The following ACTR10 variants were observed in gnomAD, a reference collection of about 807,000 sequenced individuals.
The protein encoded by ACTR10 is actin related protein 10, also known as actin-related protein 10.
A neutral mutation model predicts 56.2 loss-of-function variants in ACTR10; 43 were observed. The ratio of observed to expected loss-of-function variants is 0.77; its 90% CI spans 0.60 to 0.99. The LOEUF (loss-of-function observed/expected upper bound fraction) is 0.99. ACTR10 is among the 50% of genes least tolerant of loss of function. The probability of loss-of-function intolerance (pLI) is 0.00; values close to 1 mark genes in which losing one functional copy is unlikely to be tolerated. For missense variants in ACTR10, 466 were observed against 507.8 expected, an observed-to-expected ratio of 0.92 and a Z score of 0.79; for synonymous variants, 170 against 176.3, an observed-to-expected ratio of 0.96 and a Z score of 0.28.
Position 58,207,965 on chromosome 14 carries a change from T to C in ACTR10, c.180T>C (p.Asn60=). 1 of 1,508,870 alleles carries C rather than the reference T, an allele frequency of 6.6e-7. No homozygotes were observed. Among genetic ancestry groups the C allele is most frequent in the Non-Finnish European group, 8.8e-7 (1 of 1,136,000 alleles). The allele number at this position is 1,508,870 out of a possible 1,614,324, so 93.5% of individuals were successfully genotyped here. A position where few individuals can be genotyped will look rare whatever the true frequency, so the allele number is the denominator to read the frequency against. Residue 60 remains asparagine (N), a synonymous_variant, in exon 3 of 13, where the codon AAT becomes AAC. Transcript: ENST00000254286. ...KPVRVVQYNI[N]TEELYSYLKE... ...TCAGAGTTGTTCAGTATAATATCAA[T>C]ACAGAAGAATTATATTCCTACCTAA...
chr14:58,203,825 A>G (rs1261065069), intron 2 of ACTR10, among the ~76,000 whole-genome samples: 1 of 152,224 alleles, frequency 6.6e-6, no homozygotes, highest in Non-Finnish European at 1.5e-5. Flanking sequence ...TATAAAATTC[A>G]CTTGTTAAAA....
intron 1 of ACTR10, 43 bp downstream of exon 1, chr14:58,200,337 G>A (rs773094756): frequency 2.8e-6 from 4 of 1,448,830 alleles, no homozygotes; most frequent in South Asian, 1.4e-5. Context: ...CGAGGGGAGG[G>A]CGGGTGGCAG....
intron 2 of ACTR10, among the ~76,000 whole-genome samples, chr14:58,203,267 A>C (rs1222093048): frequency 7.1e-6 from 1 of 141,446 alleles, no homozygotes; most frequent in Non-Finnish European, 1.5e-5. Context: ...AAGCCATCGC[A>C]CTCCAGCCTG....
intron 10 of ACTR10, among the ~76,000 whole-genome samples, chr14:58,224,394 G>C (rs1440783593): frequency 1.3e-5 from 2 of 151,922 alleles, no homozygotes; most frequent in Non-Finnish European, 2.9e-5. Context: ...ACAAGAATTA[G>C]CCACCACCAT....
At chr14:58,229,878 C>T (rs1190598619) in intron 10 of ACTR10, among the ~76,000 whole-genome samples, 3 of 151,738 alleles carry the variant, frequency 2.0e-5, no homozygotes, top group African/African-American at 7.3e-5. Flanking sequence ...AGATCTTCCT[C>T]ATGCTACCAA....
Position 58,219,729 on chromosome 14 carries a change from G to A in ACTR10, c.634G>A (p.Ala212Thr). ...GGAAGGTGTCTTAGAGGACATTAAAGGTAAACTAAGTTCTCATTTTTGTCC... is the reference window on the plus strand; with the variant it reads ...GGAAGGTGTCTTAGAGGACATTAAAAGTAAACTAAGTTCTCATTTTTGTCC... The part of the protein sequence containing the change: ...VPEGVLEDIK[A>T]RTCFVSDLKR... The change falls in exon 8 of 13, where the codon GCG becomes ACG. Residue 212 changes from alanine to threonine, a missense_variant and splice_region_variant. Physicochemically the swap from Ala to Thr is moderately conservative, Grantham distance 58. Coordinates refer to ENST00000254286, the MANE Select transcript of ACTR10 (RefSeq NM_018477.3). The A allele has an allele frequency of 6.6e-7, 1 of 1,519,542 alleles. No homozygotes were observed. The highest frequency in any genetic ancestry group is 8.8e-7 in the Non-Finnish European group (1 of 1,132,082). 94.1% of individuals were successfully genotyped at this position (1,519,542 alleles called of 1,614,324 possible).
Position 58,232,275 on chromosome 14 carries a change from T to C in ACTR10, c.1072+8T>C. On this transcript the variant is annotated splice_region_variant and intron_variant, in intron 12 of 12. Coordinates refer to ENST00000254286, the MANE Select transcript of ACTR10 (RefSeq NM_018477.3). ...GTGTGGCCTGGTTGGGAGGTAAGAA[T>C]TTCACTTTTAAAATATAATGATTAT... The C allele has an allele frequency of 6.2e-7, 1 of 1,607,696 alleles. No homozygotes were observed. Among genetic ancestry groups the C allele is most frequent in the Non-Finnish European group, 8.5e-7 (1 of 1,176,464 alleles).
intron 10 of ACTR10, among the ~76,000 whole-genome samples, chr14:58,224,672 G>A (rs141324794): frequency 3.1e-4 from 47 of 152,198 alleles, no homozygotes; most frequent in African/African-American, 1.0e-3. Context: ...TAAAACAGGG[G>A]TTAGCAAAAT....
At chr14:58,219,631 C>A in intron 7 of ACTR10, 63 bp from the exon 8 acceptor site, 1 of 1,012,262 alleles carries the variant, frequency 9.9e-7, no homozygotes, top group South Asian at 2.0e-5. Flanking sequence ...AATGTGAAGG[C>A]AATTTAATAG....
intron 4 of ACTR10, 200 bp downstream of exon 4, chr14:58,209,307 T>A (rs1888941088): frequency 1.3e-5 from 4 of 306,212 alleles, no homozygotes; most frequent in African/African-American, 6.5e-5. Context: ...GACAGAAGAT[T>A]CTTCAAACTG....
intron 8 of ACTR10, 98 bp from the exon 9 acceptor site, chr14:58,223,524 C>T: frequency 1.2e-6 from 1 of 869,238 alleles, no homozygotes; most frequent in Non-Finnish European, 1.8e-6. Context: ...AGATGATGAG[C>T]ATGTTCACTT....
rs199890031 is a variant in ACTR10, at chr14:58,232,071, G to C, written c.876G>C (p.Pro292=). The change falls in exon 12 of 13, where the codon CCG becomes CCC. Residue 292 remains proline, a synonymous_variant. Coordinates refer to ENST00000254286, the MANE Select transcript of ACTR10 (RefSeq NM_018477.3). ...TLILDSLIQC[P]IDTRKQLAEN... ...TTTTTTCTTTTTAATAACAGTGTCC[G>C]ATAGACACCAGGAAGCAACTAGCAG... 1 of 1,610,470 alleles carries C rather than the reference G, an allele frequency of 6.2e-7. No individual in the cohort carries two copies. Among genetic ancestry groups the C allele is most frequent in the Non-Finnish European group, 8.5e-7 (1 of 1,177,458 alleles).
Position 58,223,706 on chromosome 14 carries a change from G to C in ACTR10, c.714+5G>C. ...AATATTGATGGGAATAATGAGGTAA[G>C]TTTAAAAAAAAAAAAGGCATCTTTT... On this transcript the variant is annotated splice_donor_5th_base_variant and intron_variant, in intron 9 of 12. Transcript: ENST00000254286. 6.3e-7 allele frequency: 1 copy of C among 1,589,464 alleles called. No homozygotes were observed. Among genetic ancestry groups the C allele is most frequent in the South Asian group, 1.1e-5 (1 of 87,496 alleles).
At chr14:58,204,712 G>T (rs149582410) in intron 2 of ACTR10, among the ~76,000 whole-genome samples, 2,135 of 152,266 alleles carry the variant, frequency 0.014, 48 homozygotes, top group African/African-American at 0.045. Flanking sequence ...TCTGAGGCAC[G>T]AATTGCTGGT....
intron 1 of ACTR10, 79 bp downstream of exon 1, chr14:58,200,373 A>T (rs932057004): frequency 3.8e-5 from 47 of 1,232,832 alleles, no homozygotes; most frequent in Non-Finnish European, 4.8e-5. Flanking sequence ...CTGGGTCCTC[A>T]TCGCCGACTC....
At chr14:58,203,436 T>C (rs1211325568) in intron 2 of ACTR10, among the ~76,000 whole-genome samples, 1 of 152,186 alleles carries the variant, frequency 6.6e-6, no homozygotes, top group African/African-American at 2.4e-5. Flanking sequence ...TATATCATGT[T>C]GTACAAGTAC....
At chr14:58,225,043 A>G (rs142372620) in intron 10 of ACTR10, among the ~76,000 whole-genome samples, 107 of 152,246 alleles carry the variant, frequency 7.0e-4, no homozygotes, top group Middle Eastern at 3.4e-3. Context: ...CTCTGTTGCA[A>G]CTACTCAACT....
At chr14:58,215,318 A>C in intron 7 of ACTR10, 34 bp downstream of exon 7, 2 of 1,379,456 alleles carry the variant, frequency 1.4e-6, no homozygotes, top group Non-Finnish European at 1.0e-6. Flanking sequence ...GGAGTGGTTT[A>C]CACTCTCTTT....
intron 6 of ACTR10, among the ~76,000 whole-genome samples, chr14:58,214,862 C>G (rs1441538710): frequency 2.0e-5 from 3 of 150,462 alleles, no homozygotes; most frequent in Non-Finnish European, 3.0e-5. Flanking sequence ...TCCCAGCACT[C>G]TGGGAGGCCA....
Sources: gnomAD v4.1 joint callset for allele counts (sites outside exome capture counted in the v4.1 genomes callset) on GRCh38, gnomAD v4.1.1 for gene constraint, MANE v1.5 for transcripts, NCBI Gene and HGNC (gene_info 2026-07-23, HGNC 2026-07-21) for gene names.